The following UBAP1 variants were observed in gnomAD, a reference collection of about 807,000 sequenced individuals.
The protein encoded by UBAP1 is ubiquitin-associated protein 1.
A neutral mutation model predicts 39.0 loss-of-function variants in UBAP1; 5 were observed. That is an observed-to-expected ratio of 0.13 (90% CI 0.07 to 0.27). The LOEUF (loss-of-function observed/expected upper bound fraction) is 0.27, where lower values mean the gene tolerates loss of function less well. Among genes scored for constraint, UBAP1 ranks in the 10% least tolerant of loss-of-function variants. The probability of loss-of-function intolerance (pLI) is 1.00; values close to 1 mark genes in which losing one functional copy is unlikely to be tolerated. For missense variants in UBAP1, 490 were observed against 608.1 expected (o/e 0.81, Z 2.04); for synonymous variants, 211 against 225.1 (o/e 0.94, Z 0.56).
At chr9:34,239,693 C>T (rs1833867630) in intron 3 of UBAP1, among the ~76,000 whole-genome samples, 1 of 152,142 alleles carries the variant, frequency 6.6e-6, no homozygotes, top group Non-Finnish European at 1.5e-5. Context: ...GATTTTTTAA[C>T]TTCTGCAAGC....
At position 34,182,673 on chromosome 9, in the gene UBAP1, T is replaced by TC. The variant is rs1563881302; in HGVS notation, c.-8+3433_-8+3434insC. 8.4e-4 allele frequency among the ~76,000 whole-genome samples: 56 copies of TC among 67,062 alleles called. 2 individuals are homozygous for TC. The highest frequency in any genetic ancestry group is 4.4e-3 in the South Asian group (6 of 1,376). The allele number at this position is 67,062 out of a possible 152,430, so 44.0% of individuals were successfully genotyped here. A position where few individuals can be genotyped will look rare whatever the true frequency, so the allele number is the denominator to read the frequency against. ...TTTCTTTCTTTCTTTCTTTCTTTCT[T>TC]TCTTTCTTTCTCTCTCTCTTTCTTT... On this transcript the variant is annotated intron_variant, in intron 1 of 6. Coordinates refer to ENST00000297661, the MANE Select transcript of UBAP1 (RefSeq NM_016525.5).
intron 6 of UBAP1, 138 bp from the exon 7 acceptor site, chr9:34,251,254 T>C (rs1191321401): frequency 1.1e-6 from 1 of 929,262 alleles, no homozygotes; most frequent in African/African-American, 1.7e-5. Flanking sequence ...GGGGACCTTA[T>C]GGAGACTCAC....
intron 3 of UBAP1, among the ~76,000 whole-genome samples, chr9:34,239,028 T>G (rs1833834169): frequency 6.6e-6 from 1 of 152,192 alleles, no homozygotes; most frequent in Non-Finnish European, 1.5e-5. Flanking sequence ...ATGTGAAATA[T>G]TTTTGTTCTC....
chr9:34,180,020 A>G (rs1481737394), intron 1 of UBAP1, among the ~76,000 whole-genome samples: 3 of 152,174 alleles, frequency 2.0e-5, no homozygotes, highest in African/African-American at 7.2e-5. Context: ...CAGATTTGGT[A>G]ATTTAGTTAA....
At chr9:34,250,974 G>T (rs755342665) in intron 6 of UBAP1, 10 of 565,692 alleles carry the variant, frequency 1.8e-5, no homozygotes, top group Non-Finnish European at 3.2e-5. Context: ...CAGAATCCCA[G>T]TGAAGGGAAG....
chr9:34,189,682 G>A (rs1349875905), intron 1 of UBAP1, among the ~76,000 whole-genome samples: 1 of 151,696 alleles, frequency 6.6e-6, no homozygotes. Context: ...TGTTGCCCAG[G>A]CTGGAGTGCA....
intron 3 of UBAP1, 74 bp downstream of exon 3, chr9:34,234,414 T>C: frequency 1.3e-6 from 2 of 1,483,964 alleles, no homozygotes; most frequent in Non-Finnish European, 1.8e-6. Flanking sequence ...TATAGTGAAA[T>C]AGAAAAAATT....
intron 1 of UBAP1, among the ~76,000 whole-genome samples, chr9:34,183,970 A>G (rs1245504245): frequency 2.6e-5 from 4 of 151,708 alleles, no homozygotes; most frequent in Admixed American, 1.3e-4. Flanking sequence ...GGGTTTCTCC[A>G]TGTTGGTCAG....
At position 34,242,039 on chromosome 9, in the gene UBAP1, C is replaced by T; in HGVS notation, c.1014C>T (p.Ser338=). 6.2e-7 allele frequency: 1 copy of T among 1,614,158 alleles called. No homozygotes were observed. Among genetic ancestry groups the T allele is most frequent in the Non-Finnish European group, 8.5e-7 (1 of 1,179,984 alleles). ...SGTEMPALTS[S]QMPSLSVLSV... is the part of the protein sequence containing the mutation. ...CAGAGATGCCAGCCCTGACATCCTC[C>T]CAGATGCCTTCCCTCTCTGTTTTGT... Residue 338 remains serine, a synonymous_variant, in exon 4 of 7, where the codon TCC becomes TCT. Coordinates refer to ENST00000297661, the MANE Select transcript of UBAP1 (RefSeq NM_016525.5).
Position 34,241,325 on chromosome 9 carries a change from C to G in UBAP1, c.300C>G (p.Ser100Arg), listed in dbSNP as rs752772231. 1 of 1,516,840 alleles carries G rather than the reference C, an allele frequency of 6.6e-7. No homozygotes were observed. Among genetic ancestry groups the G allele is most frequent in the Non-Finnish European group, 8.8e-7 (1 of 1,133,814 alleles). 94.0% of individuals were successfully genotyped at this position (1,516,840 alleles called of 1,614,324 possible). A position where few individuals can be genotyped will look rare whatever the true frequency, so the allele number is the denominator to read the frequency against. Residue 100 changes from serine (S) to arginine (R), a missense_variant, in exon 4 of 7, where the codon AGC becomes AGG. By Grantham distance (110) the Ser-to-Arg change is moderately radical. Coordinates refer to ENST00000297661, the MANE Select transcript of UBAP1 (RefSeq NM_016525.5). ...CTAAGAGTGGCCCAGAGGGCGATAG[C>G]AAAATGAGCTTCTCCAAGACTCACA... ...VNSKSGPEGD[S>R]KMSFSKTHST...
chr9:34,226,105 T>TTGTGTGTGTGTGTGTGTGTGTG (rs74180553), intron 2 of UBAP1, among the ~76,000 whole-genome samples: 17 of 88,294 alleles, frequency 1.9e-4, no homozygotes, highest in East Asian at 6.3e-4. Context: ...TCCTACTCTA[T>TTGTGTGTGTGTGTGTGTGTGTG]TGTGTGTGTG....
chr9:34,186,166 G>A (rs1030436828), intron 1 of UBAP1, among the ~76,000 whole-genome samples: 1 of 152,276 alleles, frequency 6.6e-6, no homozygotes, highest in East Asian at 1.9e-4. Flanking sequence ...TAACTGGAAT[G>A]ATAAATAGTT....
At chr9:34,211,236 G>T (rs1238221658) in intron 1 of UBAP1, among the ~76,000 whole-genome samples, 2 of 152,070 alleles carry the variant, frequency 1.3e-5, no homozygotes, top group Admixed American at 6.5e-5. Flanking sequence ...GCTCCAAAAT[G>T]CCTTTGAGAC....
chr9:34,244,496 C>G (rs1834128011), intron 4 of UBAP1, among the ~76,000 whole-genome samples: 1 of 40,376 alleles, frequency 2.5e-5, no homozygotes, highest in Admixed American at 2.9e-4. Context: ...AGATTTTGCT[C>G]TTGTTGTTCA....
At chr9:34,223,700 C>T (rs144413929) in intron 2 of UBAP1, among the ~76,000 whole-genome samples, 2,403 of 152,292 alleles carry the variant, frequency 0.016, 77 homozygotes, top group African/African-American at 0.055. Flanking sequence ...CGTGATCCGC[C>T]TGCCTTGGCC....
At chr9:34,223,906 GT>G (rs1236059458) in intron 2 of UBAP1, 3 of 264,688 alleles carry the variant, frequency 1.1e-5, no homozygotes, top group Admixed American at 5.5e-5. Flanking sequence ...TTTTGTTTTT[GT>G]TTTTTTGTTT....
At chr9:34,224,134 G>T in intron 2 of UBAP1, 1 of 731,468 alleles carries the variant, frequency 1.4e-6, no homozygotes, top group Non-Finnish European at 2.1e-6. Context: ...CCAGGAGACT[G>T]CTGATTTTGG....
At chr9:34,188,350 A>G (rs1321052397) in intron 1 of UBAP1, among the ~76,000 whole-genome samples, 1 of 151,582 alleles carries the variant, frequency 6.6e-6, no homozygotes, top group African/African-American at 2.4e-5. Context: ...ATTTTTAGTT[A>G]CCATCAGATT....
intron 1 of UBAP1, among the ~76,000 whole-genome samples, chr9:34,181,975 T>C (rs926625815): frequency 2.0e-5 from 3 of 149,404 alleles, no homozygotes; most frequent in Admixed American, 6.7e-5. Flanking sequence ...TAAAATTTTT[T>C]TTTTTGTAGA....
Sources: allele counts gnomAD v4.1 joint callset (sites outside exome capture counted in the v4.1 genomes callset), GRCh38; gene constraint gnomAD v4.1.1; transcripts MANE v1.5; gene names NCBI Gene and HGNC (gene_info 2026-07-23, HGNC 2026-07-21).